LARP7: variants seen among roughly 807,000 people sequenced by gnomAD.
LARP7 encodes la-related protein 7.
Under a neutral mutation model 69.3 loss-of-function variants are expected in LARP7, and 52 were observed. The observed-to-expected ratio is 0.75, with a 90% confidence interval of 0.60 to 0.95. LARP7 has a LOEUF of 0.95. LARP7 is among the 40% of genes least tolerant of loss of function. The pLI is 0.00. For synonymous variants in LARP7, 254 were observed against 215.9 expected (o/e 1.18, Z -1.55); for missense variants, 733 against 673.0 (o/e 1.09, Z -0.99).
chr4:112,641,135 T>G (rs1000683853), intron 1 of LARP7, among the ~76,000 whole-genome samples: 2 of 152,144 alleles, frequency 1.3e-5, no homozygotes, highest in African/African-American at 4.8e-5. Context: ...GCGCGGTGGC[T>G]CACACCTGTA....
rs1427210228 is a variant in LARP7 at position 112,647,112 on chromosome 4, G to T, written c.631G>T (p.Ala211Ser). 1.2e-6 allele frequency: 2 copies of T among 1,609,172 alleles called. No homozygotes were observed. Among genetic ancestry groups the T allele is most frequent in the East Asian group, 4.5e-5 (2 of 44,860 alleles). Reference protein sequence around the residue: ...PKTVKNKPIPALRVVEEKKKK... With the variant: ...PKTVKNKPIPSLRVVEEKKKK... ...AACAGTGAAAAATAAGCCCATTCCA[G>T]CCTTAAGAGTTGTGGGTGAGTATTT... Residue 211 changes from alanine (A) to serine (S), a missense_variant, in exon 6 of 13, where the codon GCC (alanine) becomes TCC (serine). By Grantham distance (99) the Ala-to-Ser change is moderately conservative. Transcript: ENST00000344442.
chr4:112,641,006 G>A (rs768485523), intron 1 of LARP7, among the ~76,000 whole-genome samples: 8 of 152,174 alleles, frequency 5.3e-5, no homozygotes, highest in Non-Finnish European at 1.2e-4. Context: ...TGAGCCTGTT[G>A]GCAAGAATTG....
rs1483273617 is a variant in LARP7, at chr4:112,657,292, G to C, written c.1714G>C (p.Ala572Pro). 1.3e-6 allele frequency: 2 copies of C among 1,590,348 alleles called. No individual in the cohort carries two copies. The highest frequency in any genetic ancestry group is 2.7e-5 in the African/African-American group (2 of 73,904). Residue 572 changes from alanine (A) to proline (P), a missense_variant, in exon 13 of 13, where the codon GCG (alanine) becomes CCG (proline). Physicochemically the swap from Ala to Pro is conservative, Grantham distance 27 (BLOSUM62 -1). Coordinates refer to ENST00000344442, the MANE Select transcript of LARP7 (RefSeq NM_016648.4). Reference protein sequence around the residue: ...EKIRLAKTQQASKHIRFSEYD With the variant: ...EKIRLAKTQQPSKHIRFSEYD ...GATTAGACTGGCAAAGACTCAACAAGCGAGTAAACATATAAGATTTTCTGA... is the reference window on the plus strand; with the variant it reads ...GATTAGACTGGCAAAGACTCAACAACCGAGTAAACATATAAGATTTTCTGA...
chr4:112,654,760 A>G (rs2048888745), intron 12 of LARP7: 1 of 152,216 alleles, frequency 6.6e-6, no homozygotes, highest in Non-Finnish European at 1.5e-5. Flanking sequence ...ACATAGCAAG[A>G]CCCTGTCTCT....
chr4:112,657,224 AT>A, intron 12 of LARP7, 22 bp from the exon 13 acceptor site: 1 of 1,350,432 alleles, frequency 7.4e-7, no homozygotes, highest in Non-Finnish European at 1.0e-6. Context: ...ATACATTTTA[AT>A]TTTTGATTTA....
rs780705274 is a variant in LARP7, at chr4:112,650,474, A to G, written c.1308A>G (p.Glu436=). 9.3e-6 allele frequency: 15 copies of G among 1,613,786 alleles called. No homozygotes were observed. Among genetic ancestry groups the G allele is most frequent in the South Asian group, 8.8e-5 (8 of 91,050 alleles). ...TTTTCTAATCAGCAGCCAACAGGGA[A>G]GAGTGTCGCACCCAGGAGAAAGTTA... ...GMKNEKTANR[E]ECRTQEKVNA... is the part of the protein sequence containing the mutation. Residue 436 remains glutamate, a synonymous_variant, in exon 10 of 13, where the codon GAA becomes GAG. Transcript: ENST00000344442.
chr4:112,654,778 T>G (rs2048889971), intron 12 of LARP7: 1 of 152,330 alleles, frequency 6.6e-6, no homozygotes, highest in East Asian at 1.9e-4. Flanking sequence ...TCTTAAAGTT[T>G]TAAAACAAAT....
chr4:112,642,845 A>AT (rs762067090), intron 1 of LARP7, among the ~76,000 whole-genome samples: 6 of 152,242 alleles, frequency 3.9e-5, no homozygotes, highest in Non-Finnish European at 8.8e-5. Context: ...TCACGTAGGC[A>AT]TAAGGCCTCC....
chr4:112,648,125 G>A (rs1001109052), intron 8 of LARP7: 4 of 543,974 alleles, frequency 7.4e-6, no homozygotes, highest in Admixed American at 2.0e-5. Context: ...TATGAGCTGC[G>A]GTCAATACAA....
chr4:112,647,156 G>A, intron 6 of LARP7, 29 bp downstream of exon 6: 1 of 1,595,884 alleles, frequency 6.3e-7, no homozygotes, highest in Non-Finnish European at 8.5e-7. Context: ...TTAAATAGGT[G>A]TAGTTGAAGT....
At position 112,647,238 on chromosome 4, in the gene LARP7, A is replaced by T. The variant is rs1263838315; in HGVS notation, c.686A>T (p.Lys229Ile). ...AAAAAGAAGAAGAAAGGCCGAATGA[A>T]AAAGGAAGACAATATCCAAGCCAAA... ...KKKKKKKGRMKKEDNIQAKEE... is the reference protein window; with the variant it reads ...KKKKKKKGRMIKEDNIQAKEE... Residue 229 changes from lysine to isoleucine, a missense_variant, in exon 7 of 13, where the codon AAA (lysine) becomes ATA (isoleucine). By Grantham distance (102) the Lys-to-Ile change is moderately radical (BLOSUM62 -3). Coordinates refer to ENST00000344442, the MANE Select transcript of LARP7 (RefSeq NM_016648.4). 6.3e-7 allele frequency: 1 copy of T among 1,598,860 alleles called. No homozygotes were observed.
chr4:112,638,157 G>T (rs1331958886), intron 1 of LARP7: 1 of 152,162 alleles, frequency 6.6e-6, no homozygotes, highest in Non-Finnish European at 1.5e-5. Flanking sequence ...TTAGCGGGGA[G>T]TGGTGGTGCA....
At chr4:112,656,396 T>G (rs1028180189) in intron 12 of LARP7, among the ~76,000 whole-genome samples, 3 of 152,098 alleles carry the variant, frequency 2.0e-5, no homozygotes, top group Admixed American at 1.3e-4. Flanking sequence ...AGACTCTGTC[T>G]CAAAAAAACG....
At chr4:112,646,539 AC>A in intron 3 of LARP7, 48 bp from the exon 4 acceptor site, 2 of 1,278,128 alleles carry the variant, frequency 1.6e-6, no homozygotes, top group Non-Finnish European at 2.2e-6. Context: ...ATTATAGCTT[AC>A]AATTATAAAT....
intron 1 of LARP7, chr4:112,637,495 T>C (rs893129852): frequency 6.6e-6 from 1 of 152,300 alleles, no homozygotes; most frequent in Non-Finnish European, 1.5e-5. Flanking sequence ...GCCCGGCCTA[T>C]GACGGCGTCC....
chr4:112,643,602 C>G (rs2048043954), intron 1 of LARP7, among the ~76,000 whole-genome samples: 1 of 152,176 alleles, frequency 6.6e-6, no homozygotes, highest in South Asian at 2.1e-4. Context: ...AATCCCAGCA[C>G]TTTGGGAGGC....
chr4:112,645,143 T>C (rs1481672892), intron 2 of LARP7, among the ~76,000 whole-genome samples: 17 of 151,936 alleles, frequency 1.1e-4, no homozygotes, highest in African/African-American at 4.1e-4. Flanking sequence ...GATGGGATTT[T>C]ACTGTGTTGG....
intron 1 of LARP7, 175 bp downstream of exon 1, chr4:112,637,414 G>T (rs972682265): frequency 6.6e-6 from 1 of 152,346 alleles, no homozygotes; most frequent in Admixed American, 6.5e-5. Flanking sequence ...AAAGTCTTCG[G>T]CAGCACTTGT....
At chr4:112,644,415 A>T in intron 1 of LARP7, 1 of 995,192 alleles carries the variant, frequency 1.0e-6, no homozygotes, top group African/African-American at 1.7e-5. Flanking sequence ...AATTTTTTAT[A>T]TTATTCTAGG....
Sources: allele counts gnomAD v4.1 joint callset (sites outside exome capture counted in the v4.1 genomes callset), GRCh38; gene constraint gnomAD v4.1.1; transcripts MANE v1.5; gene names NCBI Gene and HGNC (gene_info 2026-07-23, HGNC 2026-07-21).